Variants in GRP observed in about 807,000 individuals in gnomAD.
GRP encodes gastrin-releasing peptide.
A neutral mutation model predicts 12.7 loss-of-function variants in GRP; 11 were observed. The ratio of observed to expected loss-of-function variants is 0.87; its 90% CI spans 0.55 to 1.44. GRP has a LOEUF of 1.44. Among genes scored for constraint, GRP ranks in the 40% most tolerant of loss-of-function variants. The pLI, the probability that GRP is intolerant of heterozygous loss-of-function variation, is 0.00. For missense variants in GRP, 212 were observed against 185.4 expected (o/e 1.14, Z -0.83); for synonymous variants, 84 against 77.7 (o/e 1.08, Z -0.43).
chr18:59,230,446 AC>A lies in GRP; in HGVS notation c.430del (p.Gln144SerfsTer2). 3 of 1,593,272 alleles carry A rather than the reference AC, an allele frequency of 1.9e-6. No individual in the cohort carries two copies. Among genetic ancestry groups the A allele is most frequent in the Non-Finnish European group, 2.6e-6 (3 of 1,160,888 alleles). The stretch of plus-strand genomic sequence containing the variant: ...CCAGGTTCTCAACGTGAAGGAAGGA[AC>A]CCCCAGCTGAACCAGCAATGATAAT... ...SAPGSQREGR[N>X]PQLNQQ On this transcript the variant is annotated frameshift_variant, in exon 3 of 3. Coordinates refer to ENST00000256857, the MANE Select transcript of GRP (RefSeq NM_002091.5). LOFTEE classifies it high-confidence loss of function.
intron 2 of GRP, among the ~76,000 whole-genome samples, chr18:59,226,887 A>G (rs1473696329): frequency 1.2e-4 from 18 of 150,974 alleles, no homozygotes; most frequent in Admixed American, 1.2e-3. Context: ...GAAGCTTTCT[A>G]TTTCACTGCC....
chr18:59,221,295 G>C (rs948048359), intron 1 of GRP, among the ~76,000 whole-genome samples: 4 of 152,210 alleles, frequency 2.6e-5, no homozygotes, highest in African/African-American at 9.6e-5. Flanking sequence ...GCCGCGCTGC[G>C]GGTGCGGAGG....
intron 1 of GRP, among the ~76,000 whole-genome samples, chr18:59,221,305 G>A (rs1434558156): frequency 6.6e-6 from 1 of 152,194 alleles, no homozygotes; most frequent in African/African-American, 2.4e-5. Flanking sequence ...GGGTGCGGAG[G>A]GCGCCTGCGG....
At chr18:59,227,032 TCTTTCTTTCTTTCTTTCTTTCTTC>T (rs1277680045) in intron 2 of GRP, among the ~76,000 whole-genome samples, 148 of 141,458 alleles carry the variant, frequency 1.0e-3, no homozygotes, top group Middle Eastern at 7.5e-3. Flanking sequence ...TTTCTTTCTT[TCTTTCTTTCTTTCTTTCTTTCTTC>T]CTTTCTTTCT....
rs573742362 is a variant in GRP at position 59,223,844 on chromosome 18, G to A, written c.140-1648G>A. Among the ~76,000 whole-genome samples, 122 of 152,300 alleles carry A rather than the reference G, an allele frequency of 8.0e-4. 1 individual carries two copies. The highest frequency in any genetic ancestry group is 3.9e-3 in the South Asian group (19 of 4,824). On this transcript the variant is annotated intron_variant, in intron 1 of 2. Coordinates refer to ENST00000256857, the MANE Select transcript of GRP (RefSeq NM_002091.5). ...GAGCACCATGTGACCAAGCTGATACGTGAGGAGCCAGTCATTCAGGATTCC... is the reference window on the plus strand; with the variant it reads ...GAGCACCATGTGACCAAGCTGATACATGAGGAGCCAGTCATTCAGGATTCC...
At chr18:59,220,797 C>T (rs907834123) in intron 1 of GRP, among the ~76,000 whole-genome samples, 1 of 152,202 alleles carries the variant, frequency 6.6e-6, no homozygotes, top group Admixed American at 6.5e-5. Flanking sequence ...TCTTGGGGAG[C>T]GTTGTCCCTT....
upstream of GRP, chr18:59,220,127 CA>C: frequency 2.2e-6 from 1 of 454,368 alleles, no homozygotes; most frequent in Non-Finnish European, 3.7e-6. Flanking sequence ...CCCGGGCTTC[CA>C]TATAAAGTAG....
intron 2 of GRP, among the ~76,000 whole-genome samples, chr18:59,226,996 T>TTC (rs1568084793): frequency 3.7e-4 from 12 of 32,408 alleles, no homozygotes; most frequent in Admixed American, 1.2e-3. Flanking sequence ...TTTCTTCCTT[T>TTC]CTTTCTTTCT....
rs555794893 is a variant in GRP at position 59,230,633 on chromosome 18, G to A, written c.*165G>A. 2 of 589,866 alleles carry A rather than the reference G, an allele frequency of 3.4e-6. No individual in the cohort carries two copies. The highest frequency in any genetic ancestry group is 3.0e-6 in the Non-Finnish European group (1 of 328,272). The allele number at this position is 589,866 out of a possible 1,614,324, so 36.5% of individuals were successfully genotyped here. On this transcript the variant is annotated 3_prime_UTR_variant, in exon 3 of 3. Coordinates refer to ENST00000256857, the MANE Select transcript of GRP (RefSeq NM_002091.5). Reference sequence around the variant, plus strand: ...CGTGATTTTCAAGCAGCATCTTCTGGTTTAAACTTGTTTGCTGTGAACAAT... The same window carrying A: ...CGTGATTTTCAAGCAGCATCTTCTGATTTAAACTTGTTTGCTGTGAACAAT...
chr18:59,221,169 C>T (rs996330799), intron 1 of GRP, among the ~76,000 whole-genome samples: 3 of 152,250 alleles, frequency 2.0e-5, no homozygotes, highest in Non-Finnish European at 2.9e-5. Flanking sequence ...TCTTGACCCA[C>T]GACTTCGCCC....
At chr18:59,221,764 G>T (rs754977475) in intron 1 of GRP, among the ~76,000 whole-genome samples, 1 of 152,146 alleles carries the variant, frequency 6.6e-6, no homozygotes, top group Non-Finnish European at 1.5e-5. Flanking sequence ...TGCTTCCTCA[G>T]CTCGTCTGTG....
At chr18:59,224,457 A>G (rs1315039968) in intron 1 of GRP, among the ~76,000 whole-genome samples, 1 of 152,254 alleles carries the variant, frequency 6.6e-6, no homozygotes, top group Non-Finnish European at 1.5e-5. Context: ...AATGCCAGTC[A>G]GTGTTGGAAC....
upstream of GRP, chr18:59,220,114 CCGCCCGGG>C: frequency 1.2e-4 from 43 of 367,586 alleles, no homozygotes; most frequent in East Asian, 4.4e-4. Flanking sequence ...CCCAGCCCCC[CCGCCCGGG>C]CTTCCATATA....
chr18:59,229,697 T>C (rs2069999881), intron 2 of GRP, among the ~76,000 whole-genome samples: 1 of 152,140 alleles, frequency 6.6e-6, no homozygotes, highest in South Asian at 2.1e-4. Flanking sequence ...ACAAAAAGTG[T>C]TTTTTCATCT....
At chr18:59,223,706 A>G (rs2069871005) in intron 1 of GRP, among the ~76,000 whole-genome samples, 1 of 152,218 alleles carries the variant, frequency 6.6e-6, no homozygotes, top group Non-Finnish European at 1.5e-5. Context: ...CCTTCCAACC[A>G]TCATGATTTA....
At chr18:59,223,970 A>G (rs1246116527) in intron 1 of GRP, among the ~76,000 whole-genome samples, 3 of 152,202 alleles carry the variant, frequency 2.0e-5, no homozygotes, top group Non-Finnish European at 4.4e-5. Flanking sequence ...AATGCAGTAA[A>G]CCTGATTTTA....
At chr18:59,230,107 A>G (rs2070007224) in intron 2 of GRP, among the ~76,000 whole-genome samples, 1 of 152,212 alleles carries the variant, frequency 6.6e-6, no homozygotes, top group Non-Finnish European at 1.5e-5. Flanking sequence ...TAAGCTGATA[A>G]AACAATAAGA....
chr18:59,223,950 C>T (rs2069874492), intron 1 of GRP, among the ~76,000 whole-genome samples: 1 of 152,212 alleles, frequency 6.6e-6, no homozygotes, highest in African/African-American at 2.4e-5. Context: ...TTGGCAAATG[C>T]TCACACTGCA....
chr18:59,220,068 G>A (rs2144092391), upstream of GRP: 2 of 435,030 alleles, frequency 4.6e-6, no homozygotes, highest in East Asian at 7.4e-5. Flanking sequence ...GCTATAGGGA[G>A]ACGTCAGAGC....
Sources: allele counts gnomAD v4.1 joint callset (sites outside exome capture counted in the v4.1 genomes callset), GRCh38; gene constraint gnomAD v4.1.1; transcripts MANE v1.5; gene names NCBI Gene and HGNC (gene_info 2026-07-23, HGNC 2026-07-21).